Variants in RBFOX1 observed in about 807,000 individuals in gnomAD.
RBFOX1 encodes the protein RNA binding protein fox-1 homolog 1.
RBFOX1 carries 8 observed loss-of-function variants against 57.7 expected under a neutral mutation model. That is an observed-to-expected ratio of 0.14 (90% CI 0.08 to 0.25). The LOEUF (loss-of-function observed/expected upper bound fraction) is 0.25, where lower values mean the gene tolerates loss of function less well. Among genes scored for constraint, RBFOX1 ranks in the 10% least tolerant of loss-of-function variants. The pLI is 1.00. For missense variants in RBFOX1, 611 were observed against 548.5 expected, an observed-to-expected ratio of 1.11 and a Z score of -1.14; for synonymous variants, 326 against 222.4, an observed-to-expected ratio of 1.47 and a Z score of -4.15.
chr16:7,518,115 C>T (rs1479334443), intron 4 of RBFOX1, 32 bp from the exon 5 acceptor site: 2 of 1,570,596 alleles, frequency 1.3e-6, no homozygotes, highest in African/African-American at 1.4e-5. Context: ...TCATGACGTT[C>T]TCTCCCTCTC....
rs1567761887 is a variant in RBFOX1 at position 6,895,488 on chromosome 16, T to TATATATA, written c.-15-156569_-15-156568insATATATA. Among the ~76,000 whole-genome samples, 39 of 65,628 alleles carry TATATATA rather than the reference T, an allele frequency of 5.9e-4. 1 individual carries two copies. The highest frequency in any genetic ancestry group is 3.3e-3 in the South Asian group (5 of 1,502). The allele number at this position is 65,628 out of a possible 152,430, so 43.1% of individuals were successfully genotyped here. ...TATATATATATATATATATATATAT[T>TATATATA]TATTCCCCTATTGGATAACAAGCTG... is the stretch of plus-strand genomic sequence containing the variant. On this transcript the variant is annotated intron_variant, in intron 3 of 15. Coordinates refer to ENST00000550418, the MANE Select transcript of RBFOX1 (RefSeq NM_018723.4).
At chr16:6,540,027 G>T (rs1022133568) in intron 2 of RBFOX1, among the ~76,000 whole-genome samples, 6 of 152,118 alleles carry the variant, frequency 3.9e-5, no homozygotes, top group African/African-American at 1.4e-4. Context: ...CAACCCTGCA[G>T]TTCAACAGTC....
chr16:6,029,379 C>T (rs943307678), intron 1 of RBFOX1, among the ~76,000 whole-genome samples: 5 of 152,218 alleles, frequency 3.3e-5, no homozygotes, highest in Admixed American at 6.5e-5. Flanking sequence ...ATAAGAAAGC[C>T]GATTAGCCAC....
At chr16:7,228,177 T>G (rs1340872013) in intron 4 of RBFOX1, among the ~76,000 whole-genome samples, 1 of 152,068 alleles carries the variant, frequency 6.6e-6, no homozygotes, top group Non-Finnish European at 1.5e-5. Flanking sequence ...TTGTGTCTGG[T>G]TTGGTCGTGG....
chr16:5,956,257 T>C (rs892959), intron 4 of RBFOX1, among the ~76,000 whole-genome samples: 123,020 of 152,134 alleles, frequency 0.81, 49,917 homozygotes, highest in African/African-American at 0.86. Context: ...TCCTGGGCGA[T>C]GGAGTGAAAC....
chr16:6,094,486 C>G (rs1457896436), intron 1 of RBFOX1, among the ~76,000 whole-genome samples: 3 of 152,122 alleles, frequency 2.0e-5, no homozygotes, highest in South Asian at 4.2e-4. Context: ...AACTGACATG[C>G]TCACTAGACA....
intron 2 of RBFOX1, among the ~76,000 whole-genome samples, chr16:6,502,664 T>A (rs1264417731): frequency 6.6e-6 from 1 of 152,146 alleles, no homozygotes; most frequent in Non-Finnish European, 1.5e-5. Flanking sequence ...TGTGGAACTT[T>A]TCTATTGTTA....
At chr16:6,369,335 C>T (rs778316236) in intron 2 of RBFOX1, among the ~76,000 whole-genome samples, 7 of 151,758 alleles carry the variant, frequency 4.6e-5, no homozygotes, top group African/African-American at 7.3e-5. Context: ...CTTGCTGGGT[C>T]GGATAGTGTA....
At chr16:7,034,834 TTTTTTTCTTTTTTC>T (rs1321370059) in intron 3 of RBFOX1, among the ~76,000 whole-genome samples, 14 of 86,108 alleles carry the variant, frequency 1.6e-4, no homozygotes, top group African/African-American at 5.3e-4. Context: ...TTACTTTTTT[TTTTTTTCTTTTTTC>T]TTTTTTTTTT....
chr16:7,676,672 C>G, intron 13 of RBFOX1, 102 bp from the exon 14 acceptor site: 2 of 977,300 alleles, frequency 2.0e-6, no homozygotes, highest in East Asian at 4.9e-5. Context: ...AACTTTAGCT[C>G]AGTAGATTTG....
In RBFOX1 at chr16:6,954,770, C is replaced by T. The variant is rs78199066; in HGVS notation, c.-15-97287C>T. ...CCCTCCAGAGGATCTTAAATCATCACCTGACTTGAGCACCCAGTTTGAAGG... is the reference window on the plus strand; with the variant it reads ...CCCTCCAGAGGATCTTAAATCATCATCTGACTTGAGCACCCAGTTTGAAGG... On this transcript the variant is annotated intron_variant, in intron 3 of 15. Coordinates refer to ENST00000550418, the MANE Select transcript of RBFOX1 (RefSeq NM_018723.4). Among the ~76,000 whole-genome samples, 890 of 152,194 alleles carry T rather than the reference C, an allele frequency of 5.8e-3. 8 individuals are homozygous for T. The highest frequency in any genetic ancestry group is 0.021 in the African/African-American group (857 of 41,530).
At chr16:5,945,775 C>T (rs987735604) in intron 4 of RBFOX1, among the ~76,000 whole-genome samples, 3 of 152,208 alleles carry the variant, frequency 2.0e-5, no homozygotes, top group African/African-American at 7.2e-5. Flanking sequence ...ATGTAGGTGG[C>T]TACCCAGTGA....
chr16:5,262,178 A>G (rs1244195522), intron 1 of RBFOX1, among the ~76,000 whole-genome samples: 1 of 152,210 alleles, frequency 6.6e-6, no homozygotes, highest in East Asian at 1.9e-4. Context: ...AAATAAGGGA[A>G]GGATTTGGAC....
At chr16:7,041,285 G>A (rs1035967015) in intron 3 of RBFOX1, among the ~76,000 whole-genome samples, 1 of 151,890 alleles carries the variant, frequency 6.6e-6, no homozygotes, top group African/African-American at 2.4e-5. Flanking sequence ...TTTACACGTT[G>A]TCAGTGGCTG....
intron 3 of RBFOX1, among the ~76,000 whole-genome samples, chr16:5,674,826 C>T (rs1440712638): frequency 6.6e-6 from 1 of 152,046 alleles, no homozygotes; most frequent in Non-Finnish European, 1.5e-5. Context: ...GCTGGTCTGG[C>T]GCACGTAGTA....
chr16:7,666,335 G>C (rs1021188939), intron 13 of RBFOX1, among the ~76,000 whole-genome samples: 3 of 151,632 alleles, frequency 2.0e-5, no homozygotes, highest in African/African-American at 4.9e-5. Context: ...ATAGAGAAAT[G>C]GTTTTTTAAA....
At chr16:6,954,516 G>T (rs960567054) in intron 3 of RBFOX1, among the ~76,000 whole-genome samples, 2 of 152,124 alleles carry the variant, frequency 1.3e-5, no homozygotes, top group African/African-American at 4.8e-5. Context: ...TAAAAAGGGG[G>T]TAGTTGGGAT....
At chr16:6,570,244 G>T (rs774530230) in intron 2 of RBFOX1, among the ~76,000 whole-genome samples, 2 of 152,148 alleles carry the variant, frequency 1.3e-5, no homozygotes, top group Non-Finnish European at 2.9e-5. Flanking sequence ...TACCCATTGT[G>T]TATTGTTCCC....
chr16:7,388,694 TTC>T (rs1382426468), intron 4 of RBFOX1, among the ~76,000 whole-genome samples: 2 of 147,934 alleles, frequency 1.4e-5, no homozygotes, highest in Non-Finnish European at 3.0e-5. Flanking sequence ...CGTGAAACCT[TTC>T]TGTTTTTTCA....
Sources: gnomAD v4.1 joint callset for allele counts (sites outside exome capture counted in the v4.1 genomes callset) on GRCh38, gnomAD v4.1.1 for gene constraint, MANE v1.5 for transcripts, NCBI Gene and HGNC (gene_info 2026-07-23, HGNC 2026-07-21) for gene names.